ENOSF1: variants seen among roughly 807,000 people sequenced by gnomAD.
ENOSF1 encodes the protein enolase superfamily member 1.
Under a neutral mutation model 68.2 loss-of-function variants are expected in ENOSF1, and 73 were observed. That is an observed-to-expected ratio of 1.07 (90% CI 0.89 to 1.30). ENOSF1 has a LOEUF of 1.30. Ranked by LOEUF, ENOSF1 falls within the 50% of genes most tolerant of loss-of-function variation. ENOSF1 has a pLI of 0.00. For missense variants in ENOSF1, 589 were observed against 554.5 expected, an observed-to-expected ratio of 1.06 and a Z score of -0.62; for synonymous variants, 223 against 210.4, an observed-to-expected ratio of 1.06 and a Z score of -0.52.
downstream of ENOSF1, among the ~76,000 whole-genome samples, chr18:666,961 GGAGAT>G (rs2074840464): frequency 4.4e-5 from 1 of 22,872 alleles, no homozygotes; most frequent in Non-Finnish European, 8.5e-5. Context: ...TGATGGAGAT[GGAGAT>G]GGTGATGGAG....
At position 688,351 on chromosome 18, in the gene ENOSF1, A is replaced by G. The variant is rs959327871; in HGVS notation, c.653+223T>C. On this transcript the variant is annotated intron_variant, in intron 9 of 15. Transcript: ENST00000647584. ...AGTGCCCGAAATAAACAATCTCCCA[A>G]GCCTCTTTCAACTCTGATGGCCTAT... 11 of 542,558 alleles carry G rather than the reference A, an allele frequency of 2.0e-5. No individual in the cohort carries two copies. The African/African-American group carries it at 2.1e-4, about 10-fold the overall frequency. The allele number at this position is 542,558 out of a possible 1,614,324, so 33.6% of individuals were successfully genotyped here.
chr18:690,647 G>A lies in ENOSF1; in HGVS notation c.536-16C>T, dbSNP rs140376938. 5.2e-4 allele frequency: 841 copies of A among 1,612,308 alleles called. 4 individuals carry two copies. In the African/African-American group the frequency reaches 9.5e-3, roughly 18 times the overall value. ...ATTTGCTTCTCTGTGAAAACACAGC[G>A]CCGTCAACATTTTGCACTTTCCAGG... is the stretch of plus-strand genomic sequence containing the variant. On this transcript the variant is annotated splice_polypyrimidine_tract_variant and intron_variant, in intron 7 of 15. Transcript: ENST00000647584.
At chr18:707,854 A>T (rs372321886) in intron 1 of ENOSF1, among the ~76,000 whole-genome samples, 6 of 23,022 alleles carry the variant, frequency 2.6e-4, no homozygotes, top group African/African-American at 1.0e-3. Flanking sequence ...ATAATGTTTT[A>T]TTATTATTAT....
intron 10 of ENOSF1, among the ~76,000 whole-genome samples, chr18:684,212 G>A (rs1370988421): frequency 6.6e-6 from 1 of 151,868 alleles, no homozygotes; most frequent in Non-Finnish European, 1.5e-5. Flanking sequence ...AGCCAGGATG[G>A]TCTCAATCTC....
Position 673,047 on chromosome 18 carries a change from C to A in ENOSF1, c.*1258G>T, listed in dbSNP as rs758363328. ...ATATTGTCAGTCTTTAGGGGTTGGG[C>A]TGGATGCCGAGGTAAAAGTTCTTTT... On this transcript the variant is annotated 3_prime_UTR_variant, in exon 16 of 16. Transcript: ENST00000647584. 10 of 1,448,110 alleles carry A rather than the reference C, an allele frequency of 6.9e-6. No individual in the cohort carries two copies. The highest frequency in any genetic ancestry group is 9.2e-6 in the Non-Finnish European group (10 of 1,083,380). 89.7% of individuals were successfully genotyped at this position (1,448,110 alleles called of 1,614,324 possible).
chr18:712,220 A>C (rs1316583466), intron 1 of ENOSF1: 1 of 1,481,288 alleles, frequency 6.8e-7, no homozygotes, highest in Non-Finnish European at 9.1e-7. Flanking sequence ...CAATTGCTCC[A>C]AGGCATGAAA....
intron 2 of ENOSF1, among the ~76,000 whole-genome samples, chr18:700,656 G>A (rs534467602): frequency 3.7e-4 from 56 of 152,012 alleles, no homozygotes; most frequent in Admixed American, 1.2e-3. Flanking sequence ...AGGCTGAGGC[G>A]GGCGGATCAC....
downstream of ENOSF1, among the ~76,000 whole-genome samples, chr18:667,553 A>T (rs74708071): frequency 0.028 from 506 of 18,326 alleles, 24 homozygotes; most frequent in Middle Eastern, 0.11. Context: ...ATGGTGATGG[A>T]GATGGTGATG....
At chr18:687,350 C>T (rs2076708611) in intron 9 of ENOSF1, 1 of 152,176 alleles carries the variant, frequency 6.6e-6, no homozygotes, top group Non-Finnish European at 1.5e-5. Flanking sequence ...AGTGCCTCTC[C>T]AACTTAAGAA....
At position 694,281 on chromosome 18, in the gene ENOSF1, C is replaced by T. The variant is rs565285548; in HGVS notation, c.363G>A (p.Ala121=). The change falls in exon 4 of 16, where the codon GCG becomes GCA. Residue 121 remains alanine (A), a synonymous_variant. Transcript: ENST00000647584. ...VHLATAAVLN[A]VWDLWAKQEG... ...CCTGCTTGGCCCACAAGTCCCACAC[C>T]GCGTTTAGGACGGCCGCTGTCGCCA... 16 of 1,614,162 alleles carry T rather than the reference C, an allele frequency of 9.9e-6. No homozygotes were observed. In the East Asian group the frequency reaches 2.0e-4, roughly 20 times the overall value.
chr18:683,744 G>T (rs1435847167), intron 10 of ENOSF1, among the ~76,000 whole-genome samples: 1 of 151,954 alleles, frequency 6.6e-6, no homozygotes, highest in Non-Finnish European at 1.5e-5. Context: ...TCTGTTCGTA[G>T]AAACCATTTT....
chr18:674,280 G>C lies in ENOSF1; in HGVS notation c.*25C>G. The C allele has an allele frequency of 6.5e-7, 1 of 1,527,256 alleles. No individual in the cohort carries two copies. Among genetic ancestry groups the C allele is most frequent in the Non-Finnish European group, 8.9e-7 (1 of 1,124,818 alleles). 94.6% of individuals were successfully genotyped at this position (1,527,256 alleles called of 1,614,324 possible). On this transcript the variant is annotated 3_prime_UTR_variant, in exon 16 of 16. Transcript: ENST00000647584. The stretch of plus-strand genomic sequence containing the variant: ...ATTTTAAGCCCTTTCACTTCAGAAA[G>C]AAAAAAGTTGTTGGGGCTGAGCACT...
rs940802939 is a variant in ENOSF1 at position 682,658 on chromosome 18, C to G, written c.876+588G>C. On this transcript the variant is annotated intron_variant, in intron 11 of 15. Transcript: ENST00000647584. ...CCAAGGCGGGCAGATGGTCTGAGGT[C>G]AGGAGTTCGAGACAGGCCTGGCCAA... Among the ~76,000 whole-genome samples, 13 of 142,322 alleles carry G rather than the reference C, an allele frequency of 9.1e-5. 1 individual carries two copies. The highest frequency in any genetic ancestry group is 2.3e-4 in the Admixed American group (3 of 13,192). The allele number at this position is 142,322 out of a possible 152,430, so 93.4% of individuals were successfully genotyped here. A position where few individuals can be genotyped will look rare whatever the true frequency, so the allele number is the denominator to read the frequency against.
intron 15 of ENOSF1, among the ~76,000 whole-genome samples, chr18:674,637 G>A (rs899016626): frequency 6.6e-6 from 1 of 152,208 alleles, no homozygotes; most frequent in South Asian, 2.1e-4. Context: ...TCCTGCCTCA[G>A]CCTCCCATGT....
In ENOSF1 at chr18:688,597, C is replaced by T. The variant is rs1009401876; in HGVS notation, c.630G>A (p.Gln210=). 1 of 1,613,974 alleles carries T rather than the reference C, an allele frequency of 6.2e-7. No homozygotes were observed. The highest frequency in any genetic ancestry group is 1.3e-5 in the African/African-American group (1 of 74,942). The part of the protein sequence containing the change: ...SDDTLKQLCA[Q]ALKDGWTRFK... ...ACCTGGTCCAGCCATCCTTCAGCGC[C>T]TGGGCACAGAGCTGTGGGAAAGGAG... The change falls in exon 9 of 16, where the codon CAG becomes CAA. Residue 210 remains glutamine, a synonymous_variant. Coordinates refer to ENST00000647584, the MANE Select transcript of ENOSF1 (RefSeq NM_017512.7).
chr18:689,677 G>T (rs553634398), intron 8 of ENOSF1, among the ~76,000 whole-genome samples: 14 of 152,248 alleles, frequency 9.2e-5, no homozygotes, highest in African/African-American at 3.4e-4. Flanking sequence ...TATATATTTT[G>T]TCTCTGCCCC....
At chr18:674,638 C>T (rs181647287) in intron 15 of ENOSF1, among the ~76,000 whole-genome samples, 29 of 152,304 alleles carry the variant, frequency 1.9e-4, no homozygotes, top group Middle Eastern at 3.4e-3. Flanking sequence ...CCTGCCTCAG[C>T]CTCCCATGTA....
In ENOSF1 at chr18:671,835, C is replaced by T. The variant is rs1020800553; in HGVS notation, c.*2470G>A. The T allele has an allele frequency of 2.7e-5, 6 of 221,016 alleles. No homozygotes were observed. Among genetic ancestry groups the T allele is most frequent in the East Asian group, 3.4e-4 (2 of 5,924 alleles). 13.7% of individuals were successfully genotyped at this position (221,016 alleles called of 1,614,324 possible). ...CTCTGTCGGCCAGGCTGGAGTGTGC[C>T]GTGGTGCGATCTCAGCTCACTGCAA... On this transcript the variant is annotated 3_prime_UTR_variant, in exon 16 of 16. Coordinates refer to ENST00000647584, the MANE Select transcript of ENOSF1 (RefSeq NM_017512.7).
chr18:705,175 T>C (rs1220204059), intron 2 of ENOSF1, among the ~76,000 whole-genome samples: 1 of 152,242 alleles, frequency 6.6e-6, no homozygotes, highest in African/African-American at 2.4e-5. Context: ...CTGAGAGCGC[T>C]GATGGTGCAA....
Sources: gnomAD v4.1 joint callset for allele counts (sites outside exome capture counted in the v4.1 genomes callset) on GRCh38, gnomAD v4.1.1 for gene constraint, MANE v1.5 for transcripts, NCBI Gene and HGNC (gene_info 2026-07-23, HGNC 2026-07-21) for gene names.